Variants in KIF13B observed in about 807,000 individuals in gnomAD.
KIF13B encodes the protein kinesin-like protein KIF13B.
KIF13B carries 127 observed loss-of-function variants against 222.0 expected under a neutral mutation model. The observed-to-expected ratio is 0.57, with a 90% CI of 0.50 to 0.66. KIF13B has a LOEUF of 0.66. Among genes scored for constraint, KIF13B ranks in the 30% least tolerant of loss-of-function variants. KIF13B has a pLI of 0.00. For synonymous variants in KIF13B, 976 were observed against 919.0 expected (o/e 1.06, Z -1.12); for missense variants, 2,173 against 2,379.0 (o/e 0.91, Z 1.80).
chr8:29,139,875 G>C lies in KIF13B; in HGVS notation c.2613+188C>G, dbSNP rs536301028. Among the ~76,000 whole-genome samples the C allele has an allele frequency of 3.0e-4, 45 of 152,282 alleles. No individual in the cohort carries two copies. The South Asian group carries it at 8.9e-3, about 30-fold the overall frequency. On this transcript the variant is annotated intron_variant, in intron 21 of 39. Transcript: ENST00000524189. ...GAGGCGATTTTGCATTATCATGAGT[G>C]GGGGAGGCTCTGCTCTACTTCCAAA...
intron 23 of KIF13B, 75 bp downstream of exon 23, chr8:29,132,233 G>C (rs1244868781): frequency 4.5e-5 from 52 of 1,159,474 alleles, no homozygotes; most frequent in Non-Finnish European, 5.4e-5. Context: ...GTGACAGAGT[G>C]AATGAGACTG....
chr8:29,167,829 C>T (rs147403794), intron 10 of KIF13B, among the ~76,000 whole-genome samples: 1 of 152,154 alleles, frequency 6.6e-6, no homozygotes, highest in Non-Finnish European at 1.5e-5. Flanking sequence ...TGAAACCTAC[C>T]TTTATTTCGG....
At chr8:29,232,831 ACT>A (rs2130594593) in intron 2 of KIF13B, among the ~76,000 whole-genome samples, 1 of 151,838 alleles carries the variant, frequency 6.6e-6, no homozygotes, top group South Asian at 2.1e-4. Context: ...ACCACTGCCC[ACT>A]CTCTCACCCC....
At chr8:29,085,700 CTCTTCTTTT>C in intron 37 of KIF13B, among the ~76,000 whole-genome samples, 1 of 99,476 alleles carries the variant, frequency 1.0e-5, no homozygotes, top group Non-Finnish European at 1.9e-5. Flanking sequence ...AACAGAAATA[CTCTTCTTTT>C]TTTTTTTTTT....
At chr8:29,111,068 G>A (rs1038645285) in intron 32 of KIF13B, among the ~76,000 whole-genome samples, 2 of 152,226 alleles carry the variant, frequency 1.3e-5, no homozygotes, top group Non-Finnish European at 2.9e-5. Context: ...TAAAATGTGG[G>A]AGGATTTGTA....
chr8:29,133,853 T>C (rs557631701), intron 22 of KIF13B, among the ~76,000 whole-genome samples, 187 bp downstream of exon 22: 2 of 152,338 alleles, frequency 1.3e-5, no homozygotes, highest in South Asian at 2.1e-4. Context: ...TTGTTTCTCA[T>C]GCAAAAGTTA....
intron 24 of KIF13B, among the ~76,000 whole-genome samples, chr8:29,128,513 T>G (rs932090703): frequency 6.6e-6 from 1 of 152,228 alleles, no homozygotes; most frequent in African/African-American, 2.4e-5. Context: ...AGATATTTTG[T>G]GGGAAAAGTC....
intron 27 of KIF13B, 82 bp from the exon 28 acceptor site, chr8:29,123,574 C>CT (rs1205003144): frequency 1.3e-6 from 2 of 1,554,914 alleles, no homozygotes; most frequent in African/African-American, 2.7e-5. Flanking sequence ...CTGGATTTGC[C>CT]TATATTTCAA....
chr8:29,263,027 T>C lies in KIF13B; in HGVS notation c.8A>G (p.Asp3Gly), dbSNP rs756089214. 2.5e-6 allele frequency: 4 copies of C among 1,591,210 alleles called. No individual in the cohort carries two copies. Among genetic ancestry groups the C allele is most frequent in the Non-Finnish European group, 3.4e-6 (4 of 1,170,682 alleles). Residue 3 changes from aspartate (D) to glycine (G), a missense_variant, in exon 1 of 40, where the codon GAC becomes GGC. Asp to Gly is a moderately conservative substitution (Grantham distance 94, BLOSUM62 -1). Coordinates refer to ENST00000524189, the MANE Select transcript of KIF13B (RefSeq NM_015254.4). The part of the protein sequence containing the change: MG[D>G]SKVKVAVRIR... ...CCGCACCGCCACTTTCACTTTGGAG[T>C]CCCCCATCCTGCAGCCGCCGAGGAA...
intron 1 of KIF13B, among the ~76,000 whole-genome samples, chr8:29,256,685 A>G (rs1816489138): frequency 6.6e-6 from 1 of 152,180 alleles, no homozygotes; most frequent in Non-Finnish European, 1.5e-5. Context: ...GGGTTTTGTA[A>G]TTCTGGGAAT....
At chr8:29,182,374 A>G (rs1052281220) in intron 6 of KIF13B, among the ~76,000 whole-genome samples, 1 of 152,220 alleles carries the variant, frequency 6.6e-6, no homozygotes, top group Non-Finnish European at 1.5e-5. Context: ...AGTCTCAGTC[A>G]TGAAGAAAGA....
rs1222805130 is a variant in KIF13B, at chr8:29,119,000, C to T, written c.3536-8G>A. 12 of 1,611,476 alleles carry T rather than the reference C, an allele frequency of 7.4e-6. No homozygotes were observed. Among genetic ancestry groups the T allele is most frequent in the Non-Finnish European group, 1.0e-5 (12 of 1,179,130 alleles). On this transcript the variant is annotated splice_polypyrimidine_tract_variant and splice_region_variant and intron_variant, in intron 29 of 39. Coordinates refer to ENST00000524189, the MANE Select transcript of KIF13B (RefSeq NM_015254.4). ...GAGAGCTGAAATCATCAGCTAAAAG[C>T]AAAGAAGTTCCATTAAATACTGAGA...
At chr8:29,104,109 C>CCACCTCAGTG (rs1490811764) in intron 35 of KIF13B, among the ~76,000 whole-genome samples, 2 of 152,242 alleles carry the variant, frequency 1.3e-5, no homozygotes, top group South Asian at 4.1e-4. Flanking sequence ...CCTGGCGCCG[C>CCACCTCAGTG]CACCTCAGTG....
intron 2 of KIF13B, among the ~76,000 whole-genome samples, chr8:29,231,928 GTCTGTCCC>G: frequency 6.6e-6 from 1 of 152,130 alleles, no homozygotes; most frequent in Non-Finnish European, 1.5e-5. Context: ...ACATATTCCA[GTCTGTCCC>G]TGGATCATGA....
At chr8:29,222,861 T>C (rs1814821813) in intron 2 of KIF13B, among the ~76,000 whole-genome samples, 1 of 152,058 alleles carries the variant, frequency 6.6e-6, no homozygotes, top group Non-Finnish European at 1.5e-5. Flanking sequence ...CATTATACCT[T>C]TGACAAAGTA....
Position 29,176,164 on chromosome 8 carries a change from G to A in KIF13B, c.849C>T (p.Leu283=), listed in dbSNP as rs371184173. The A allele has an allele frequency of 3.3e-5, 53 of 1,607,758 alleles. No individual in the cohort carries two copies. The highest frequency in any genetic ancestry group is 4.3e-5 in the Non-Finnish European group (51 of 1,174,888). Residue 283 remains leucine, a synonymous_variant, in exon 10 of 40, where the codon CTC becomes CTT. Transcript: ENST00000524189. The part of the protein sequence containing the change: ...GSNINKSLTT[L]GLVISALADQ... ...CTGCAAGAGCTGAGATAACCAGACC[G>A]AGGGTTGTGAGGGACCTGCATGGTG...
intron 35 of KIF13B, among the ~76,000 whole-genome samples, chr8:29,102,826 G>A (rs1159313620): frequency 1.3e-5 from 2 of 152,142 alleles, no homozygotes; most frequent in Non-Finnish European, 1.5e-5. Flanking sequence ...TGCTAACTGG[G>A]TATTTGTTCA....
chr8:29,195,170 C>T (rs1813362425), intron 3 of KIF13B, among the ~76,000 whole-genome samples: 1 of 152,090 alleles, frequency 6.6e-6, no homozygotes, highest in Non-Finnish European at 1.5e-5. Flanking sequence ...ATTGCTTGAA[C>T]CCAGGAGGCA....
rs368795997 is a variant in KIF13B at position 29,155,969 on chromosome 8, T to A, written c.1405-113A>T. On this transcript the variant is annotated intron_variant, in intron 13 of 39. Coordinates refer to ENST00000524189, the MANE Select transcript of KIF13B (RefSeq NM_015254.4). ...CTATTACCTTTGCGAAAATTTTTTT[T>A]ATTTTTATTTTATTTTTGAGACAGA... is the stretch of plus-strand genomic sequence containing the variant. 27 of 767,752 alleles carry A rather than the reference T, an allele frequency of 3.5e-5. 1 individual carries two copies. In the Middle Eastern group the frequency reaches 2.5e-3, roughly 70 times the overall value. The allele number at this position is 767,752 out of a possible 1,614,324, so 47.6% of individuals were successfully genotyped here.
Sources: gnomAD v4.1 joint callset for allele counts (sites outside exome capture counted in the v4.1 genomes callset) on GRCh38, gnomAD v4.1.1 for gene constraint, MANE v1.5 for transcripts, NCBI Gene and HGNC (gene_info 2026-07-23, HGNC 2026-07-21) for gene names.